KSR2: variants seen among roughly 807,000 people sequenced by gnomAD.
The protein encoded by KSR2 is kinase suppressor of ras 2.
KSR2 carries 25 observed loss-of-function variants against 107.8 expected under a neutral mutation model. The observed-to-expected ratio is 0.23, with a 90% CI of 0.17 to 0.32. KSR2 has a LOEUF of 0.32. Ranked by LOEUF, KSR2 falls within the 10% of genes least tolerant of loss-of-function variation. KSR2 has a pLI of 1.00. For missense variants in KSR2, 887 were observed against 1,268.9 expected, an observed-to-expected ratio of 0.70 and a Z score of 4.57; for synonymous variants, 480 against 507.0, an observed-to-expected ratio of 0.95 and a Z score of 0.71.
chr12:117,472,416 G>A (rs1871518297), intron 17 of KSR2, among the ~76,000 whole-genome samples: 1 of 152,194 alleles, frequency 6.6e-6, no homozygotes, highest in South Asian at 2.1e-4. Flanking sequence ...ATGCTAGGGT[G>A]TCACTGAGCT....
At chr12:117,939,944 A>AACAT (rs977220546) in intron 1 of KSR2, among the ~76,000 whole-genome samples, 2 of 140,070 alleles carry the variant, frequency 1.4e-5, no homozygotes, top group Admixed American at 1.4e-4. Context: ...CCATCTTAAA[A>AACAT]ACACACACAC....
rs543707930 is a variant in KSR2, at chr12:117,862,995, C to T, written c.181-2564G>A. Among the ~76,000 whole-genome samples the T allele has an allele frequency of 2.3e-3, 345 of 152,284 alleles. 3 individuals are homozygous for T. The highest frequency in any genetic ancestry group is 8.0e-3 in the African/African-American group (332 of 41,570). ...CCACCTGCCTCAGCCTCCCAAAGTG[C>T]TGGGATTACAGGCGTGAGCCACCGC... On this transcript the variant is annotated intron_variant, in intron 1 of 19. Transcript: ENST00000339824.
intron 5 of KSR2, among the ~76,000 whole-genome samples, chr12:117,655,180 C>A (rs1411751683): frequency 6.6e-6 from 1 of 152,234 alleles, no homozygotes; most frequent in Non-Finnish European, 1.5e-5. Flanking sequence ...GCCTCTCCTG[C>A]ACACAATGCT....
intron 3 of KSR2, among the ~76,000 whole-genome samples, chr12:117,790,750 C>G (rs951754513): frequency 1.3e-5 from 2 of 152,164 alleles, no homozygotes; most frequent in Admixed American, 1.3e-4. Context: ...TTTCCCTTCA[C>G]GGAGTCATCC....
At chr12:117,530,350 G>T (rs990143841) in intron 12 of KSR2, among the ~76,000 whole-genome samples, 3 of 152,096 alleles carry the variant, frequency 2.0e-5, no homozygotes, top group Non-Finnish European at 4.4e-5. Context: ...TTTTGGCTTT[G>T]CAAGCCATAC....
intron 4 of KSR2, among the ~76,000 whole-genome samples, chr12:117,672,181 C>CA (rs1251692492): frequency 6.6e-6 from 1 of 152,224 alleles, no homozygotes; most frequent in Non-Finnish European, 1.5e-5. Flanking sequence ...TCATCCCACG[C>CA]AAATGCTCAA....
chr12:117,890,535 CTAT>C (rs1894308499), intron 1 of KSR2, among the ~76,000 whole-genome samples: 1 of 152,210 alleles, frequency 6.6e-6, no homozygotes, highest in East Asian at 1.9e-4. Context: ...AATAAGCTCA[CTAT>C]TTAAAGGTCC....
At chr12:117,796,506 T>C (rs919778925) in intron 3 of KSR2, among the ~76,000 whole-genome samples, 2 of 152,166 alleles carry the variant, frequency 1.3e-5, no homozygotes, top group Middle Eastern at 6.3e-3. Context: ...TCGTGGAAGC[T>C]CCCAGTGATA....
At chr12:117,672,154 G>C (rs1353641629) in intron 4 of KSR2, among the ~76,000 whole-genome samples, 1 of 152,176 alleles carries the variant, frequency 6.6e-6, no homozygotes, top group Non-Finnish European at 1.5e-5. Flanking sequence ...CAAGGCGGTG[G>C]GGGGAGGGGT....
intron 18 of KSR2, 104 bp downstream of exon 18, chr12:117,471,087 C>T (rs1230222103): frequency 4.1e-6 from 6 of 1,450,940 alleles, no homozygotes; most frequent in South Asian, 1.4e-5. Context: ...TTTGGTCACC[C>T]TATGGGAAAG....
At chr12:117,795,264 T>C (rs148963827) in intron 3 of KSR2, among the ~76,000 whole-genome samples, 4 of 152,176 alleles carry the variant, frequency 2.6e-5, no homozygotes, top group Non-Finnish European at 4.4e-5. Flanking sequence ...GGCACAAGGT[T>C]TGAAAAACCT....
At chr12:117,630,326 T>C (rs1209070988) in intron 5 of KSR2, among the ~76,000 whole-genome samples, 5 of 151,998 alleles carry the variant, frequency 3.3e-5, no homozygotes, top group Non-Finnish European at 7.4e-5. Flanking sequence ...TATGGTGGTA[T>C]GAAGAATGCC....
chr12:117,906,536 G>A (rs56742821), intron 1 of KSR2, among the ~76,000 whole-genome samples: 22,704 of 151,648 alleles, frequency 0.15, 1,904 homozygotes, highest in African/African-American at 0.21. Context: ...AACTTGGGAG[G>A]CGGAGGTTGC....
At chr12:117,794,376 C>T (rs141668118) in intron 3 of KSR2, among the ~76,000 whole-genome samples, 646 of 30,302 alleles carry the variant, frequency 0.021, 180 homozygotes, top group African/African-American at 0.15. Context: ...CATGCACACT[C>T]ACACCAACAT....
In KSR2 at chr12:117,968,057, T is replaced by TTTA; in HGVS notation, c.180+18_180+19insTAA. The TTTA allele has an allele frequency of 2.8e-6, 2 of 722,680 alleles. No homozygotes were observed. The highest frequency in any genetic ancestry group is 2.1e-6 in the Non-Finnish European group (1 of 472,708). 44.8% of individuals were successfully genotyped at this position (722,680 alleles called of 1,614,324 possible). A position where few individuals can be genotyped will look rare whatever the true frequency, so the allele number is the denominator to read the frequency against. Reference sequence around the variant, plus strand: ...TTTTTTTTTTTTTTTTTTTTTTTTTTCCCGTAGGCAACACCTACCTCCAGG... The same window carrying TTTA: ...TTTTTTTTTTTTTTTTTTTTTTTTTTTTACCCGTAGGCAACACCTACCTCCAGG... On this transcript the variant is annotated intron_variant, in intron 1 of 19. Transcript: ENST00000339824.
chr12:117,501,036 G>T (rs1055537888), intron 14 of KSR2, among the ~76,000 whole-genome samples: 1 of 152,222 alleles, frequency 6.6e-6, no homozygotes, highest in African/African-American at 2.4e-5. Flanking sequence ...ACTATGGCCC[G>T]CGGGCCAAAA....
chr12:117,551,363 T>A (rs1877296573), intron 9 of KSR2, among the ~76,000 whole-genome samples: 1 of 152,186 alleles, frequency 6.6e-6, no homozygotes, highest in Non-Finnish European at 1.5e-5. Flanking sequence ...GCTACTTCCA[T>A]GCCCTGAGTA....
intron 5 of KSR2, among the ~76,000 whole-genome samples, chr12:117,619,724 A>G (rs543559393): frequency 6.6e-6 from 1 of 151,724 alleles, no homozygotes; most frequent in African/African-American, 2.4e-5. Flanking sequence ...GTATGTCACA[A>G]TGCCTTATAT....
At chr12:117,597,135 A>C (rs1880695894) in intron 5 of KSR2, among the ~76,000 whole-genome samples, 1 of 152,156 alleles carries the variant, frequency 6.6e-6, no homozygotes, top group South Asian at 2.1e-4. Context: ...AGACAGCTGA[A>C]TTCTTGGGCC....
Sources: allele counts gnomAD v4.1 joint callset (sites outside exome capture counted in the v4.1 genomes callset), GRCh38; gene constraint gnomAD v4.1.1; transcripts MANE v1.5; gene names NCBI Gene and HGNC (gene_info 2026-07-23, HGNC 2026-07-21).